The following HS2ST1 variants were observed in gnomAD, a reference collection of about 807,000 sequenced individuals.
HS2ST1 encodes the protein heparan sulfate 2-O-sulfotransferase 1, also known as 2-O-sulfotransferase.
In HS2ST1, 18 loss-of-function variants were observed where a neutral mutation model predicts 42.9. The observed-to-expected ratio is 0.42, with a 90% CI of 0.29 to 0.62. The LOEUF (loss-of-function observed/expected upper bound fraction) is 0.62. Among genes scored for constraint, HS2ST1 ranks in the 20% least tolerant of loss-of-function variants. The probability of loss-of-function intolerance (pLI) is 0.21; values close to 1 mark genes in which losing one functional copy is unlikely to be tolerated. For missense variants in HS2ST1, 334 were observed against 433.8 expected (o/e 0.77, Z 2.04); for synonymous variants, 146 against 152.9 (o/e 0.95, Z 0.33).
At chr1:86,982,121 C>T (rs1448470034) in intron 1 of HS2ST1, among the ~76,000 whole-genome samples, 6 of 152,242 alleles carry the variant, frequency 3.9e-5, no homozygotes, top group African/African-American at 1.4e-4. Context: ...TAAGCTGTAC[C>T]TTGGCCCCTT....
intron 1 of HS2ST1, among the ~76,000 whole-genome samples, chr1:87,071,355 A>G (rs879859810): frequency 1.2e-4 from 18 of 152,232 alleles, no homozygotes; most frequent in Non-Finnish European, 2.4e-4. Flanking sequence ...CATAGGGGAC[A>G]CTAATAACCA....
At chr1:87,017,435 CCT>C (rs1487756876) in intron 1 of HS2ST1, among the ~76,000 whole-genome samples, 3 of 152,280 alleles carry the variant, frequency 2.0e-5, no homozygotes, top group South Asian at 2.1e-4. Context: ...CCACACCCGG[CCT>C]CTCTCTTTTT....
intron 1 of HS2ST1, among the ~76,000 whole-genome samples, chr1:87,044,610 A>T (rs1168048160): frequency 2.0e-5 from 3 of 152,232 alleles, no homozygotes; most frequent in African/African-American, 7.2e-5. Flanking sequence ...TATCAACTTA[A>T]CCACAATATT....
At chr1:86,982,784 G>A (rs1197220964) in intron 1 of HS2ST1, among the ~76,000 whole-genome samples, 1 of 152,166 alleles carries the variant, frequency 6.6e-6, no homozygotes, top group Non-Finnish European at 1.5e-5. Flanking sequence ...AAAGTGCTGG[G>A]ATTACAGGCT....
At position 87,104,497 on chromosome 1, in the gene HS2ST1, CAG is replaced by C; in HGVS notation, c.876_877del (p.Lys293GlufsTer5). 6.2e-7 allele frequency: 1 copy of C among 1,612,002 alleles called. No homozygotes were observed. The highest frequency in any genetic ancestry group is 8.5e-7 in the Non-Finnish European group (1 of 1,178,478). ...AAGAAATCTCATCTTAGGAAAACCACAGAGAAGAAACTCCCCACTAAACAAAC... is the reference window on the plus strand; with the variant it reads ...AAGAAATCTCATCTTAGGAAAACCACAGAAGAAACTCCCCACTAAACAAAC... On this transcript the variant is annotated frameshift_variant, in exon 7 of 7. Transcript: ENST00000370550. LOFTEE classifies it high-confidence loss of function.
intron 3 of HS2ST1, among the ~76,000 whole-genome samples, chr1:87,092,330 A>T (rs191134473): frequency 6.6e-6 from 1 of 152,066 alleles, no homozygotes; most frequent in Admixed American, 6.6e-5. Context: ...TTAAATTCAT[A>T]TTTCTTGTTT....
intron 4 of HS2ST1, among the ~76,000 whole-genome samples, chr1:87,093,460 C>G (rs1557543744): frequency 2.6e-5 from 4 of 152,104 alleles, no homozygotes. Context: ...CTAGCTCAAA[C>G]ATGACCACTT....
At chr1:86,991,222 CA>C (rs1218145853) in intron 1 of HS2ST1, among the ~76,000 whole-genome samples, 2 of 151,636 alleles carry the variant, frequency 1.3e-5, no homozygotes, top group African/African-American at 2.4e-5. Flanking sequence ...CCATCTGTTA[CA>C]AAAAAAGACT....
At chr1:87,089,355 A>G (rs1200525213) in intron 3 of HS2ST1, among the ~76,000 whole-genome samples, 1 of 152,040 alleles carries the variant, frequency 6.6e-6, no homozygotes, top group African/African-American at 2.4e-5. Context: ...GCAGATTCCT[A>G]CCAAATATGC....
chr1:87,009,777 G>GT (rs1327035145), intron 1 of HS2ST1, among the ~76,000 whole-genome samples: 11 of 152,058 alleles, frequency 7.2e-5, no homozygotes, highest in Non-Finnish European at 1.5e-4. Context: ...GCTTATGCCT[G>GT]TAATCTCAGC....
chr1:87,099,510 C>T (rs1652150348), intron 5 of HS2ST1, among the ~76,000 whole-genome samples: 1 of 152,202 alleles, frequency 6.6e-6, no homozygotes, highest in Non-Finnish European at 1.5e-5. Flanking sequence ...GATCTGCTCC[C>T]ATGAGCCAAT....
chr1:86,983,083 A>C (rs946198054), intron 1 of HS2ST1, among the ~76,000 whole-genome samples: 1 of 152,150 alleles, frequency 6.6e-6, no homozygotes, highest in Non-Finnish European at 1.5e-5. Context: ...GGAGGTTCCA[A>C]ACTTTCCCTC....
intron 1 of HS2ST1, among the ~76,000 whole-genome samples, chr1:87,055,823 A>G (rs1382744192): frequency 6.6e-6 from 1 of 152,184 alleles, no homozygotes; most frequent in Non-Finnish European, 1.5e-5. Context: ...AACAGCCCAA[A>G]CCCTCAAAAG....
chr1:87,082,537 AC>A (rs1213120568), intron 2 of HS2ST1, among the ~76,000 whole-genome samples: 2 of 152,222 alleles, frequency 1.3e-5, no homozygotes, highest in African/African-American at 4.8e-5. Flanking sequence ...CACTTTAGCC[AC>A]CATCTTCAAT....
intron 1 of HS2ST1, among the ~76,000 whole-genome samples, chr1:87,030,171 T>C (rs928892915): frequency 4.6e-5 from 7 of 152,220 alleles, no homozygotes; most frequent in African/African-American, 1.4e-4. Context: ...TTGACTGTTT[T>C]ACCATGTGCG....
intron 1 of HS2ST1, among the ~76,000 whole-genome samples, chr1:87,016,688 A>G (rs1047547484): frequency 6.6e-6 from 1 of 152,226 alleles, no homozygotes; most frequent in African/African-American, 2.4e-5. Flanking sequence ...GCAGCTATAC[A>G]TAAAACACAC....
At chr1:87,097,084 C>G (rs755911431) in intron 4 of HS2ST1, among the ~76,000 whole-genome samples, 34 of 152,294 alleles carry the variant, frequency 2.2e-4, no homozygotes, top group Non-Finnish European at 4.4e-4. Context: ...GCCTTTAATA[C>G]CCATGTAAAT....
At chr1:86,919,042 T>G (rs1473310689) in intron 1 of HS2ST1, among the ~76,000 whole-genome samples, 2 of 152,042 alleles carry the variant, frequency 1.3e-5, no homozygotes, top group Non-Finnish European at 2.9e-5. Flanking sequence ...AGTGGCACGA[T>G]TTCGGCTCAC....
intron 1 of HS2ST1, among the ~76,000 whole-genome samples, chr1:86,929,918 A>G (rs573027226): frequency 1.3e-5 from 2 of 151,954 alleles, no homozygotes; most frequent in South Asian, 2.1e-4. Flanking sequence ...TAGGCTGTAC[A>G]TTAATATTTA....
Sources: allele counts gnomAD v4.1 joint callset (sites outside exome capture counted in the v4.1 genomes callset), GRCh38; gene constraint gnomAD v4.1.1; transcripts MANE v1.5; gene names NCBI Gene and HGNC (gene_info 2026-07-23, HGNC 2026-07-21).